MED12L: variants seen among roughly 807,000 people sequenced by gnomAD.
MED12L encodes mediator complex subunit 12L.
In MED12L, 60 loss-of-function variants were observed where a neutral mutation model predicts 281.3. The ratio of observed to expected loss-of-function variants is 0.21; its 90% confidence interval spans 0.17 to 0.26. MED12L has a LOEUF of 0.26. Among genes scored for constraint, MED12L ranks in the 10% least tolerant of loss-of-function variants. The probability of loss-of-function intolerance (pLI) is 1.00; values close to 1 mark genes in which losing one functional copy is unlikely to be tolerated. For missense variants in MED12L, 2,146 were observed against 2,680.9 expected (o/e 0.80, Z 4.41); for synonymous variants, 974 against 987.2 (o/e 0.99, Z 0.25).
At chr3:151,419,079 T>C (rs1717955424) in intron 43 of MED12L, among the ~76,000 whole-genome samples, 1 of 152,238 alleles carries the variant, frequency 6.6e-6, no homozygotes, top group Non-Finnish European at 1.5e-5. Context: ...TAGTAAATTA[T>C]TGTAAACCAC....
intron 16 of MED12L, among the ~76,000 whole-genome samples, chr3:151,306,015 G>A (rs1396498565): frequency 6.6e-6 from 1 of 152,136 alleles, no homozygotes; most frequent in Non-Finnish European, 1.5e-5. Context: ...CAGCATACGC[G>A]TTGACATCCC....
chr3:151,251,569 A>G (rs1002054507), intron 16 of MED12L, among the ~76,000 whole-genome samples: 1 of 152,108 alleles, frequency 6.6e-6, no homozygotes, highest in African/African-American at 2.4e-5. Flanking sequence ...TAATACTTAA[A>G]AGATAAGTTC....
chr3:151,298,868 T>C (rs1331915835), intron 16 of MED12L, among the ~76,000 whole-genome samples: 1 of 152,218 alleles, frequency 6.6e-6, no homozygotes, highest in Admixed American at 6.5e-5. Context: ...ACGTTCAAGT[T>C]TCCCGGTAAC....
chr3:151,253,715 G>T (rs1450906008), intron 16 of MED12L, among the ~76,000 whole-genome samples: 2 of 152,046 alleles, frequency 1.3e-5, no homozygotes. Flanking sequence ...GAGTCATTTG[G>T]CTTGTCTGGG....
chr3:151,271,543 C>T (rs1333553700), intron 16 of MED12L, among the ~76,000 whole-genome samples: 2 of 152,124 alleles, frequency 1.3e-5, no homozygotes, highest in African/African-American at 4.8e-5. Flanking sequence ...CATAGAAAGA[C>T]TTATATTAGA....
At chr3:151,167,766 G>A (rs1405263132) in intron 11 of MED12L, among the ~76,000 whole-genome samples, 1 of 152,278 alleles carries the variant, frequency 6.6e-6, no homozygotes, top group Non-Finnish European at 1.5e-5. Flanking sequence ...CTCTTTTTGG[G>A]TGGAAACCTT....
intron 5 of MED12L, among the ~76,000 whole-genome samples, chr3:151,141,166 G>GTTTT (rs750239134): frequency 6.1e-4 from 60 of 98,098 alleles, no homozygotes; most frequent in African/African-American, 3.0e-3. Flanking sequence ...CGTGCCTGGC[G>GTTTT]TTTTTTTTTT....
chr3:151,198,838 T>TA, intron 16 of MED12L: 1 of 1,613,198 alleles, frequency 6.2e-7, no homozygotes, highest in Non-Finnish European at 8.5e-7. Flanking sequence ...TTGCTACACA[T>TA]ATGAAATTTG....
At chr3:151,358,798 T>C (rs759848679) in intron 20 of MED12L, among the ~76,000 whole-genome samples, 2 of 152,206 alleles carry the variant, frequency 1.3e-5, no homozygotes, top group South Asian at 4.1e-4. Context: ...AATGTTTTTC[T>C]TATTGCTTGC....
intron 43 of MED12L, among the ~76,000 whole-genome samples, chr3:151,426,557 A>G (rs1056336216): frequency 6.6e-6 from 1 of 152,210 alleles, no homozygotes; most frequent in African/African-American, 2.4e-5. Context: ...AAGATTGTAG[A>G]TATAGATCAT....
chr3:151,217,427 C>A (rs1268120438), intron 16 of MED12L, among the ~76,000 whole-genome samples: 1 of 152,192 alleles, frequency 6.6e-6, no homozygotes, highest in Non-Finnish European at 1.5e-5. Context: ...CACCATTCCC[C>A]TTCACTGCTC....
At chr3:151,303,857 G>C (rs1002586526) in intron 16 of MED12L, among the ~76,000 whole-genome samples, 1 of 152,202 alleles carries the variant, frequency 6.6e-6, no homozygotes, top group Non-Finnish European at 1.5e-5. Flanking sequence ...GTCTTAGGGT[G>C]AGGGGAGTGC....
chr3:151,398,608 T>C (rs1448155511), intron 39 of MED12L, among the ~76,000 whole-genome samples: 1 of 152,248 alleles, frequency 6.6e-6, no homozygotes, highest in African/African-American at 2.4e-5. Context: ...ATAATTGTTA[T>C]AATTGAGTAT....
intron 2 of MED12L, among the ~76,000 whole-genome samples, chr3:151,110,440 A>G (rs890887041): frequency 6.6e-6 from 1 of 152,212 alleles, no homozygotes. Flanking sequence ...AGTTTGAGAA[A>G]TAATGTCTAA....
At chr3:151,292,272 A>G (rs1298428508) in intron 16 of MED12L, among the ~76,000 whole-genome samples, 2 of 148,350 alleles carry the variant, frequency 1.3e-5, no homozygotes, top group Non-Finnish European at 3.0e-5. Context: ...GTATTTTCCC[A>G]GCAATAATAT....
chr3:151,355,816 TAAA>T lies in MED12L; in HGVS notation c.2518-77_2518-75del, dbSNP rs1319929967. On this transcript the variant is annotated intron_variant, in intron 18 of 44. Transcript: ENST00000687756. ...GAATCATGTATAGATTCAACTGTCT[TAAA>T]AAGTAAAAATGATTTATCTTAGTAA... is the stretch of plus-strand genomic sequence containing the variant. 6.7e-6 allele frequency: 9 copies of T among 1,334,608 alleles called. No homozygotes were observed. In the East Asian group the frequency reaches 1.0e-4, roughly 15 times the overall value. 82.7% of individuals were successfully genotyped at this position (1,334,608 alleles called of 1,614,324 possible).
intron 31 of MED12L, among the ~76,000 whole-genome samples, chr3:151,379,603 G>A (rs17283010): frequency 0.35 from 53,082 of 152,082 alleles, 9,483 homozygotes; most frequent in Non-Finnish European, 0.38. Context: ...CCTGGCTGAT[G>A]AATTAGCTCT....
chr3:151,375,175 C>T (rs1358568193), intron 27 of MED12L, among the ~76,000 whole-genome samples: 2 of 152,122 alleles, frequency 1.3e-5, no homozygotes, highest in Non-Finnish European at 2.9e-5. Flanking sequence ...TGGGTGCCAC[C>T]ACCTGAGTTT....
At chr3:151,430,769 A>C (rs1404207932) in intron 44 of MED12L, among the ~76,000 whole-genome samples, 1 of 26,882 alleles carries the variant, frequency 3.7e-5, no homozygotes, top group Non-Finnish European at 1.2e-4. Context: ...GAAGATCTTC[A>C]GATACAGGGA....
Sources: allele counts gnomAD v4.1 joint callset (sites outside exome capture counted in the v4.1 genomes callset), GRCh38; gene constraint gnomAD v4.1.1; transcripts MANE v1.5; gene names NCBI Gene and HGNC (gene_info 2026-07-23, HGNC 2026-07-21).